LAPTM4B: variants seen among roughly 807,000 people sequenced by gnomAD.
The protein encoded by LAPTM4B is lysosomal protein transmembrane 4 beta, also known as lysosomal-associated transmembrane protein 4B.
LAPTM4B carries 26 observed loss-of-function variants against 28.5 expected under a neutral mutation model. The ratio of observed to expected loss-of-function variants is 0.91; its 90% CI spans 0.67 to 1.27. The LOEUF (loss-of-function observed/expected upper bound fraction) is 1.27. LAPTM4B is among the 50% of genes most tolerant of loss of function. The pLI, the probability that LAPTM4B is intolerant of heterozygous loss-of-function variation, is 0.00. For missense variants in LAPTM4B, 288 were observed against 285.8 expected, an observed-to-expected ratio of 1.01 and a Z score of -0.06; for synonymous variants, 109 against 106.4, an observed-to-expected ratio of 1.02 and a Z score of -0.15.
intron 6 of LAPTM4B, among the ~76,000 whole-genome samples, chr8:97,839,353 CTGGCTAATTT>C (rs1326478662): frequency 6.6e-6 from 1 of 152,070 alleles, no homozygotes; most frequent in Non-Finnish European, 1.5e-5. Flanking sequence ...GTTACCATGC[CTGGCTAATTT>C]TGTATTTTTA....
chr8:97,803,860 C>G (rs1250304067), intron 1 of LAPTM4B, among the ~76,000 whole-genome samples: 1 of 152,132 alleles, frequency 6.6e-6, no homozygotes, highest in Non-Finnish European at 1.5e-5. Context: ...CCAGGCTTGT[C>G]TTGAACTCCT....
chr8:97,810,479 G>A (rs187908240), intron 2 of LAPTM4B, among the ~76,000 whole-genome samples: 1 of 152,166 alleles, frequency 6.6e-6, no homozygotes, highest in Non-Finnish European at 1.5e-5. Flanking sequence ...AGGGTGAAGG[G>A]TATACGTGAA....
intron 1 of LAPTM4B, among the ~76,000 whole-genome samples, chr8:97,799,687 A>G (rs1255754443): frequency 1.3e-5 from 2 of 152,166 alleles, no homozygotes; most frequent in East Asian, 3.9e-4. Flanking sequence ...CTTTCTAACA[A>G]CATAGCTCTG....
rs146631486 is a variant in LAPTM4B at position 97,779,712 on chromosome 8, G to T, written c.99+3604G>T. 6.0e-3 allele frequency among the ~76,000 whole-genome samples: 901 copies of T among 150,846 alleles called. 9 individuals are homozygous for T. The highest frequency in any genetic ancestry group is 0.02 in the African/African-American group (833 of 41,042). ...AGGCATGAGAATTGCTTGAACTCTG[G>T]AGGTGGAAAGTCCAGCCTGGGTGAC... On this transcript the variant is annotated intron_variant, in intron 1 of 6. Transcript: ENST00000521545.
At chr8:97,824,318 G>A (rs1817058643) in intron 5 of LAPTM4B, among the ~76,000 whole-genome samples, 1 of 152,066 alleles carries the variant, frequency 6.6e-6, no homozygotes, top group African/African-American at 2.4e-5. Context: ...GTATTTCCTG[G>A]ATTTTAGCAA....
rs139850434 is a variant in LAPTM4B, at chr8:97,776,021, C to A, written c.12C>A (p.Val4=). Residue 4 remains valine, a synonymous_variant, in exon 1 of 7, where the codon GTC becomes GTA. Coordinates refer to ENST00000521545, the MANE Select transcript of LAPTM4B (RefSeq NM_018407.6). MKM[V]APWTRFYSNS... Reference sequence around the variant, plus strand: ...CTGCGCCCGGAGCGATGAAGATGGTCGCGCCCTGGACGCGGTTCTACTCCA... The same window carrying A: ...CTGCGCCCGGAGCGATGAAGATGGTAGCGCCCTGGACGCGGTTCTACTCCA... 11 of 1,578,896 alleles carry A rather than the reference C, an allele frequency of 7.0e-6. No individual in the cohort carries two copies. In the South Asian group the frequency reaches 1.1e-4, roughly 16 times the overall value.
chr8:97,820,326 A>C (rs1586335725), intron 5 of LAPTM4B, among the ~76,000 whole-genome samples: 2 of 102,208 alleles, frequency 2.0e-5, no homozygotes, highest in Non-Finnish European at 1.9e-5. Context: ...TTTTTGAGGT[A>C]GGGTCTCTCC....
In LAPTM4B at chr8:97,792,929, A is replaced by G. The variant is rs144505524; in HGVS notation, c.100-12424A>G. Among the ~76,000 whole-genome samples the G allele has an allele frequency of 2.1e-4, 32 of 152,228 alleles. 1 individual carries two copies. The East Asian group carries it at 5.2e-3, about 25-fold the overall frequency. ...ATACCCTAAAATTGTTTGTGCTATA[A>G]TTTTTCTCTCTCAGGATGTTTAGGT... On this transcript the variant is annotated intron_variant, in intron 1 of 6. Transcript: ENST00000521545.
intron 6 of LAPTM4B, among the ~76,000 whole-genome samples, chr8:97,850,833 C>A (rs143908050): frequency 6.7e-6 from 1 of 149,276 alleles, no homozygotes; most frequent in Admixed American, 6.7e-5. Flanking sequence ...TATAACTATT[C>A]TGTATTCCAT....
chr8:97,827,475 G>T (rs1456007301), intron 6 of LAPTM4B, among the ~76,000 whole-genome samples: 1 of 152,174 alleles, frequency 6.6e-6, no homozygotes, highest in Non-Finnish European at 1.5e-5. Context: ...TGTATCCCTT[G>T]TATCCTTATA....
chr8:97,834,685 A>T (rs181711090), intron 6 of LAPTM4B, among the ~76,000 whole-genome samples: 1 of 152,232 alleles, frequency 6.6e-6, no homozygotes, highest in East Asian at 1.9e-4. Context: ...CAGCCTCCTG[A>T]GTAGCTGGGA....
rs141594884 is a variant in LAPTM4B at position 97,779,986 on chromosome 8, G to A, written c.99+3878G>A. On this transcript the variant is annotated intron_variant, in intron 1 of 6. Coordinates refer to ENST00000521545, the MANE Select transcript of LAPTM4B (RefSeq NM_018407.6). ...GAATCCCTTGAACCCAGGTGGCAGA[G>A]GTTGCCGTGAGCCGAGATCACGCCA... Among the ~76,000 whole-genome samples the A allele has an allele frequency of 6.0e-3, 893 of 149,708 alleles. 10 individuals are homozygous for A. The highest frequency in any genetic ancestry group is 0.02 in the African/African-American group (824 of 40,668).
chr8:97,842,882 A>C (rs78071560), intron 6 of LAPTM4B, among the ~76,000 whole-genome samples: 25,397 of 146,680 alleles, frequency 0.17, 2,224 homozygotes, highest in Middle Eastern at 0.23. Context: ...CTTATATAAT[A>C]TCTTTTTTTT....
chr8:97,807,507 T>A (rs1176514010), intron 2 of LAPTM4B, among the ~76,000 whole-genome samples: 2 of 152,204 alleles, frequency 1.3e-5, no homozygotes, highest in African/African-American at 2.4e-5. Context: ...CTCAGTACCT[T>A]TTGCTGTTTC....
rs113196745 is a variant in LAPTM4B at position 97,789,230 on chromosome 8, C to T, written c.99+13122C>T. On this transcript the variant is annotated intron_variant, in intron 1 of 6. Coordinates refer to ENST00000521545, the MANE Select transcript of LAPTM4B (RefSeq NM_018407.6). Reference sequence around the variant, plus strand: ...CTGGGATTACAGGCAAGTGCCACCACGCCCGGCTAATTTTTTGTATTTTTA... The same window carrying T: ...CTGGGATTACAGGCAAGTGCCACCATGCCCGGCTAATTTTTTGTATTTTTA... Among the ~76,000 whole-genome samples, 852 of 151,650 alleles carry T rather than the reference C, an allele frequency of 5.6e-3. 5 individuals carry two copies. The highest frequency in any genetic ancestry group is 0.01 in the Non-Finnish European group (698 of 67,896).
chr8:97,819,680 A>G (rs1408350832), intron 5 of LAPTM4B, among the ~76,000 whole-genome samples: 2 of 148,456 alleles, frequency 1.3e-5, no homozygotes, highest in East Asian at 2.0e-4. Flanking sequence ...TAGTGAATAT[A>G]TTTAAGTACA....
At chr8:97,786,408 T>TAA (rs34540509) in intron 1 of LAPTM4B, among the ~76,000 whole-genome samples, 4 of 147,872 alleles carry the variant, frequency 2.7e-5, no homozygotes, top group Admixed American at 6.7e-5. Flanking sequence ...ACATTGAACT[T>TAA]AAAAAAAAAA....
chr8:97,797,408 C>T (rs1816607181), intron 1 of LAPTM4B, among the ~76,000 whole-genome samples: 1 of 152,172 alleles, frequency 6.6e-6, no homozygotes, highest in East Asian at 1.9e-4. Context: ...GCTGGGATTA[C>T]AGGAGTGAGC....
chr8:97,838,247 A>G (rs1817291474), intron 6 of LAPTM4B, among the ~76,000 whole-genome samples: 1 of 152,174 alleles, frequency 6.6e-6, no homozygotes, highest in Admixed American at 6.5e-5. Context: ...AACACCTTGA[A>G]CGTCATCTGG....
Sources: allele counts gnomAD v4.1 joint callset (sites outside exome capture counted in the v4.1 genomes callset), GRCh38; gene constraint gnomAD v4.1.1; transcripts MANE v1.5; gene names NCBI Gene and HGNC (gene_info 2026-07-23, HGNC 2026-07-21).